The following DLGAP1 variants were observed in gnomAD, a reference collection of about 807,000 sequenced individuals.
DLGAP1 encodes DLG associated protein 1, also known as disks large-associated protein 1.
DLGAP1 carries 11 observed loss-of-function variants against 90.8 expected under a neutral mutation model. That is an observed-to-expected ratio of 0.12 (90% CI 0.08 to 0.20). DLGAP1 has a LOEUF of 0.20. DLGAP1 is among the 10% of genes least tolerant of loss of function. DLGAP1 has a pLI of 1.00. For missense variants in DLGAP1, 1,050 were observed against 1,333.8 expected (o/e 0.79, Z 3.31); for synonymous variants, 558 against 540.7 (o/e 1.03, Z -0.44).
chr18:3,815,621 A>AT (rs1002257882), intron 4 of DLGAP1, among the ~76,000 whole-genome samples: 3 of 151,946 alleles, frequency 2.0e-5, no homozygotes, highest in Admixed American at 1.3e-4. Context: ...TTCCACAGTC[A>AT]TTTTTTCTGA....
intron 7 of DLGAP1, chr18:3,655,583 C>T (rs1660150608): frequency 1.3e-5 from 2 of 152,804 alleles, no homozygotes; most frequent in African/African-American, 4.8e-5. Flanking sequence ...GTGGGTCACA[C>T]TGCCCAGGAG....
Position 3,879,140 on chromosome 18 carries a change from T to G in DLGAP1, c.929A>C (p.Gln310Pro). 6.6e-7 allele frequency: 1 copy of G among 1,507,104 alleles called. No individual in the cohort carries two copies. Among genetic ancestry groups the G allele is most frequent in the Non-Finnish European group, 8.9e-7 (1 of 1,127,408 alleles). 93.4% of individuals were successfully genotyped at this position (1,507,104 alleles called of 1,614,324 possible). ...DQAMVKSESC[Q>P]QERSCQYLQV... is the part of the protein sequence containing the mutation. Reference sequence around the variant, plus strand: ...CAGGTACTGGCAGGAGCGTTCTTGCTGACACGACTCGGACTTCACCATGGC... The same window carrying G: ...CAGGTACTGGCAGGAGCGTTCTTGCGGACACGACTCGGACTTCACCATGGC... Residue 310 changes from glutamine (Q) to proline (P), a missense_variant, in exon 4 of 13, where the codon CAG becomes CCG. Gln to Pro is a moderately conservative substitution (Grantham distance 76). Transcript: ENST00000315677. The surrounding 1 kb of genome is among the most constrained non-coding windows in gnomAD (Gnocchi z 6.6).
intron 1 of DLGAP1, among the ~76,000 whole-genome samples, chr18:4,412,126 A>G (rs899886943): frequency 2.0e-5 from 3 of 152,180 alleles, no homozygotes; most frequent in Non-Finnish European, 4.4e-5. Flanking sequence ...GCTGATGATA[A>G]GGCTCAGGGC....
At chr18:4,371,724 G>A (rs1473291255) in intron 1 of DLGAP1, among the ~76,000 whole-genome samples, 1 of 146,372 alleles carries the variant, frequency 6.8e-6, no homozygotes, top group African/African-American at 2.5e-5. Context: ...TTTGTATTTG[G>A]GATTAGTGTG....
intron 1 of DLGAP1, among the ~76,000 whole-genome samples, chr18:4,229,527 T>C (rs138127301): frequency 7.3e-4 from 111 of 152,012 alleles, no homozygotes; most frequent in Non-Finnish European, 1.3e-3. Flanking sequence ...AATTCATACA[T>C]CGACAGTGAA....
chr18:3,547,007 T>C (rs1226984004), intron 9 of DLGAP1, among the ~76,000 whole-genome samples: 1 of 151,258 alleles, frequency 6.6e-6, no homozygotes, highest in African/African-American at 2.4e-5. Context: ...ATATTACCAA[T>C]ATCAGAAATG....
chr18:4,011,981 G>C (rs1338548184), intron 2 of DLGAP1, among the ~76,000 whole-genome samples: 1 of 151,992 alleles, frequency 6.6e-6, no homozygotes, highest in Non-Finnish European at 1.5e-5. Context: ...ATTTCTAATT[G>C]TGGCATCTCA....
intron 6 of DLGAP1, among the ~76,000 whole-genome samples, chr18:3,732,640 T>C (rs1277528612): frequency 4.6e-5 from 7 of 152,222 alleles, no homozygotes; most frequent in Non-Finnish European, 5.9e-5. Context: ...TTAATGAACT[T>C]AAATTTGTCC....
rs2078372389 is a variant in DLGAP1, at chr18:4,234,785, C to CGA, written c.-266-83499_-266-83498insTC. 3.3e-5 allele frequency among the ~76,000 whole-genome samples: 5 copies of CGA among 152,278 alleles called. No homozygotes were observed. In the South Asian group the frequency reaches 1.0e-3, roughly 32 times the overall value. Reference sequence around the variant, plus strand: ...GCATCAACTCTCACTACACCCATTTCAACTCACGGCAATTTGGATAGATGC... The same window carrying CGA: ...GCATCAACTCTCACTACACCCATTTCGAAACTCACGGCAATTTGGATAGATGC... On this transcript the variant is annotated intron_variant, in intron 1 of 12. Transcript: ENST00000315677.
Position 3,933,038 on chromosome 18 carries a change from A to T in DLGAP1, c.-72-52898T>A, listed in dbSNP as rs927270154. 3.9e-5 allele frequency among the ~76,000 whole-genome samples: 6 copies of T among 152,304 alleles called. No individual in the cohort carries two copies. In the South Asian group the frequency reaches 8.3e-4, roughly 21 times the overall value. On this transcript the variant is annotated intron_variant, in intron 3 of 12. Transcript: ENST00000315677. ...TAGAGCAACATGAAAATCTCTACAG[A>T]TTCCATGGGGAAACTTTTGACCTTG...
At chr18:4,283,866 T>G (rs1266633583) in intron 1 of DLGAP1, among the ~76,000 whole-genome samples, 1 of 152,272 alleles carries the variant, frequency 6.6e-6, no homozygotes, top group Admixed American at 6.5e-5. Context: ...ATATCCAAAC[T>G]GGCGAATGAA....
chr18:3,906,483 G>A (rs1568292819), intron 3 of DLGAP1, among the ~76,000 whole-genome samples: 1 of 152,110 alleles, frequency 6.6e-6, no homozygotes, highest in South Asian at 2.1e-4. Flanking sequence ...TGAAGTACAG[G>A]AACTCTCACA....
intron 10 of DLGAP1, among the ~76,000 whole-genome samples, chr18:3,533,160 G>A (rs1332575472): frequency 6.6e-6 from 1 of 152,166 alleles, no homozygotes; most frequent in African/African-American, 2.4e-5. Flanking sequence ...CACATGGGGT[G>A]CATGCCTGTA....
At chr18:3,911,781 T>C (rs2072039878) in intron 3 of DLGAP1, among the ~76,000 whole-genome samples, 1 of 152,242 alleles carries the variant, frequency 6.6e-6, no homozygotes, top group South Asian at 2.1e-4. Flanking sequence ...TCCTCTCTTA[T>C]TGCAGCTGGG....
intron 4 of DLGAP1, among the ~76,000 whole-genome samples, chr18:3,850,035 T>C (rs1365380826): frequency 2.0e-5 from 3 of 152,168 alleles, no homozygotes; most frequent in African/African-American, 4.8e-5. Flanking sequence ...AGATTCAATA[T>C]TAGTCAAACA....
rs765148853 is a variant in DLGAP1, at chr18:3,986,880, G to A, written c.-73+18236C>T. Among the ~76,000 whole-genome samples, 3 of 152,188 alleles carry A rather than the reference G, an allele frequency of 2.0e-5. No homozygotes were observed. The South Asian group carries it at 6.2e-4, about 32-fold the overall frequency. On this transcript the variant is annotated intron_variant, in intron 3 of 12. Coordinates refer to ENST00000315677, the MANE Select transcript of DLGAP1 (RefSeq NM_004746.4). ...ATTACCTATTGTCCTGAGCTCCCCG[G>A]ATACTGGACCCTTCAATGGTGACAC... is the stretch of plus-strand genomic sequence containing the variant.
At chr18:4,352,405 CCTT>C (rs1229259304) in intron 1 of DLGAP1, among the ~76,000 whole-genome samples, 14 of 152,094 alleles carry the variant, frequency 9.2e-5, no homozygotes, top group Non-Finnish European at 1.6e-4. Context: ...CAACTCTCTG[CCTT>C]CTTAATGTCC....
At chr18:4,139,461 C>T (rs1213580192) in intron 2 of DLGAP1, among the ~76,000 whole-genome samples, 5 of 151,834 alleles carry the variant, frequency 3.3e-5, no homozygotes, top group Non-Finnish European at 5.9e-5. Flanking sequence ...TCTAGTTTTA[C>T]GCAACTGTGG....
intron 3 of DLGAP1, among the ~76,000 whole-genome samples, chr18:3,992,322 GATCT>G (rs1355226845): frequency 6.6e-6 from 1 of 152,132 alleles, no homozygotes; most frequent in African/African-American, 2.4e-5. Context: ...TTTAAACACT[GATCT>G]ATCAGCTTTT....
Sources: gnomAD v4.1 joint callset for allele counts (sites outside exome capture counted in the v4.1 genomes callset) on GRCh38, gnomAD v4.1.1 for gene constraint, Gnocchi (gnomAD v3.1) non-coding constraint, MANE v1.5 for transcripts, NCBI Gene and HGNC (gene_info 2026-07-23, HGNC 2026-07-21) for gene names.